PPP2R3A: variants seen among roughly 807,000 people sequenced by gnomAD.
The protein encoded by PPP2R3A is serine/threonine-protein phosphatase 2A regulatory subunit B'' subunit alpha.
Under a neutral mutation model 106.9 loss-of-function variants are expected in PPP2R3A, and 80 were observed. That is an observed-to-expected ratio of 0.75 (90% confidence interval 0.62 to 0.90). PPP2R3A has a LOEUF of 0.90. PPP2R3A is among the 40% of genes least tolerant of loss of function. The probability of loss-of-function intolerance (pLI) is 0.00; values close to 1 mark genes in which losing one functional copy is unlikely to be tolerated. For synonymous variants in PPP2R3A, 483 were observed against 468.3 expected (o/e 1.03, Z -0.41); for missense variants, 1,386 against 1,350.4 (o/e 1.03, Z -0.41).
In PPP2R3A at chr3:136,027,104, G is replaced by A. The variant is rs1252876511; in HGVS notation, c.2262+6G>A. ...AAATGGGGAAAATTGCAAAGGTAAT[G>A]TAACTACTAAATGATTTACAATCTC... On this transcript the variant is annotated splice_donor_region_variant and intron_variant, in intron 3 of 13. Coordinates refer to ENST00000264977, the MANE Select transcript of PPP2R3A (RefSeq NM_002718.5). 3 of 1,607,980 alleles carry A rather than the reference G, an allele frequency of 1.9e-6. No homozygotes were observed. Among genetic ancestry groups the A allele is most frequent in the South Asian group, 2.2e-5 (2 of 90,334 alleles).
rs969436730 is a variant in PPP2R3A at position 136,070,403 on chromosome 3, T to C, written c.2470-75T>C. The C allele has an allele frequency of 1.3e-5, 15 of 1,194,498 alleles. No homozygotes were observed. In the African/African-American group the frequency reaches 1.9e-4, roughly 15 times the overall value. The allele number at this position is 1,194,498 out of a possible 1,614,324, so 74.0% of individuals were successfully genotyped here. On this transcript the variant is annotated intron_variant, in intron 5 of 13. Transcript: ENST00000264977. ...TAGCAAGTTTGCTCAACTGGCAACA[T>C]ACAGGAAGGAAAAACTTCCATAGGC...
chr3:136,087,713 T>G (rs1936989379), intron 8 of PPP2R3A, 170 bp from the exon 9 acceptor site: 2 of 507,520 alleles, frequency 3.9e-6, no homozygotes, highest in Non-Finnish European at 7.0e-6. Flanking sequence ...GCCTGTTATT[T>G]TTTAAAATTA....
intron 10 of PPP2R3A, among the ~76,000 whole-genome samples, chr3:136,096,334 C>T (rs1193575161): frequency 6.6e-6 from 1 of 152,102 alleles, no homozygotes; most frequent in Non-Finnish European, 1.5e-5. Flanking sequence ...AAATGAATTT[C>T]CTAAAAAAAG....
At chr3:135,975,045 G>A (rs1937376178) in intron 1 of PPP2R3A, among the ~76,000 whole-genome samples, 1 of 152,154 alleles carries the variant, frequency 6.6e-6, no homozygotes, top group Non-Finnish European at 1.5e-5. Context: ...CTTCCATCAA[G>A]CACTGTGGCC....
chr3:136,061,498 C>T (rs1490891914), intron 5 of PPP2R3A, among the ~76,000 whole-genome samples: 1 of 152,042 alleles, frequency 6.6e-6, no homozygotes, highest in East Asian at 1.9e-4. Context: ...TGTGGTGGCA[C>T]GTACCTACAG....
intron 1 of PPP2R3A, among the ~76,000 whole-genome samples, chr3:135,979,333 T>C (rs1449825208): frequency 6.6e-6 from 1 of 151,212 alleles, no homozygotes; most frequent in Non-Finnish European, 1.5e-5. Context: ...GAGCCGAGAT[T>C]GCGCCACTGC....
intron 10 of PPP2R3A, among the ~76,000 whole-genome samples, chr3:136,100,202 A>G (rs1432689048): frequency 1.3e-5 from 2 of 152,172 alleles, no homozygotes; most frequent in Admixed American, 1.3e-4. Flanking sequence ...ACAATGGATC[A>G]ATACTTTTTA....
At chr3:136,019,265 A>T (rs1186972648) in intron 2 of PPP2R3A, among the ~76,000 whole-genome samples, 45 of 152,318 alleles carry the variant, frequency 3.0e-4, no homozygotes, top group Admixed American at 2.8e-3. Flanking sequence ...CCAGAAAGAC[A>T]TTTGGAAAAC....
At chr3:136,137,117 C>T (rs1437329315) in intron 13 of PPP2R3A, among the ~76,000 whole-genome samples, 4 of 152,158 alleles carry the variant, frequency 2.6e-5, no homozygotes, top group Admixed American at 2.6e-4. Flanking sequence ...TTATAATTAA[C>T]ATTCTTATGG....
chr3:136,081,306 C>T (rs953786337), intron 7 of PPP2R3A, among the ~76,000 whole-genome samples: 2 of 152,040 alleles, frequency 1.3e-5, no homozygotes, highest in African/African-American at 2.4e-5. Context: ...ATGTTTTTCA[C>T]CTTGCATTCC....
intron 10 of PPP2R3A, among the ~76,000 whole-genome samples, chr3:136,093,709 T>A (rs966116571): frequency 6.6e-6 from 1 of 152,142 alleles, no homozygotes; most frequent in African/African-American, 2.4e-5. Context: ...GAGATACCAC[T>A]TCACACTAGG....
At chr3:136,057,411 G>A (rs1935907439) in intron 5 of PPP2R3A, among the ~76,000 whole-genome samples, 1 of 152,058 alleles carries the variant, frequency 6.6e-6, no homozygotes, top group Non-Finnish European at 1.5e-5. Flanking sequence ...AGCACAGAAA[G>A]ATAAATATCA....
intron 5 of PPP2R3A, among the ~76,000 whole-genome samples, chr3:136,054,044 T>TG (rs1333502688): frequency 5.3e-5 from 8 of 152,170 alleles, no homozygotes; most frequent in Non-Finnish European, 8.8e-5. Flanking sequence ...AGAATTTTTT[T>TG]GGGGGGGAAA....
Position 136,106,322 on chromosome 3 carries a change from G to A in PPP2R3A, c.3329G>A (p.Gly1110Asp), listed in dbSNP as rs1287016462. ...EESAQAQFQE[G>D]FEDYETDEPA... Reference sequence around the variant, plus strand: ...TCTGCCCAAGCACAATTCCAGGAAGGGTGAGTAAGTTTCCCTATGTCTTAT... The same window carrying A: ...TCTGCCCAAGCACAATTCCAGGAAGAGTGAGTAAGTTTCCCTATGTCTTAT... The change falls in exon 13 of 14, where the codon GGC becomes GAC. Residue 1110 changes from glycine (G) to aspartate (D), a missense_variant and splice_region_variant. Gly to Asp is a moderately conservative substitution (Grantham distance 94, BLOSUM62 -1). Transcript: ENST00000264977. The A allele has an allele frequency of 2.5e-6, 4 of 1,612,906 alleles. No homozygotes were observed. Among genetic ancestry groups the A allele is most frequent in the Admixed American group, 1.7e-5 (1 of 59,968 alleles).
intron 3 of PPP2R3A, among the ~76,000 whole-genome samples, chr3:136,032,372 A>G (rs1249260647): frequency 1.3e-5 from 2 of 152,096 alleles, no homozygotes; most frequent in Non-Finnish European, 2.9e-5. Flanking sequence ...ATTCGTGTAC[A>G]TTAATTTTGT....
At chr3:136,118,034 A>C (rs1016466411) in intron 13 of PPP2R3A, among the ~76,000 whole-genome samples, 1 of 152,212 alleles carries the variant, frequency 6.6e-6, no homozygotes, top group African/African-American at 2.4e-5. Flanking sequence ...CACCATGATC[A>C]AGTGGGCCTC....
chr3:135,967,693 A>T (rs908899812), intron 1 of PPP2R3A, among the ~76,000 whole-genome samples: 26 of 152,068 alleles, frequency 1.7e-4, no homozygotes, highest in Non-Finnish European at 3.2e-4. Flanking sequence ...CTGAAGCTTC[A>T]CCTCTGCCCT....
intron 5 of PPP2R3A, among the ~76,000 whole-genome samples, chr3:136,059,523 T>G (rs1936004220): frequency 6.6e-6 from 1 of 152,104 alleles, no homozygotes; most frequent in Non-Finnish European, 1.5e-5. Context: ...TTATACATTG[T>G]TGGTGGGAGT....
Position 136,085,085 on chromosome 3 carries a change from T to TA in PPP2R3A, c.2788+2665dup, listed in dbSNP as rs561998841. 3.7e-4 allele frequency among the ~76,000 whole-genome samples: 57 copies of TA among 152,298 alleles called. No homozygotes were observed. The East Asian group carries it at 9.3e-3, about 25-fold the overall frequency. On this transcript the variant is annotated intron_variant, in intron 8 of 13. Coordinates refer to ENST00000264977, the MANE Select transcript of PPP2R3A (RefSeq NM_002718.5). ...GGTTTTGAAGTGTGGGGATCTGAGA[T>TA]ATGGGAGGAGCCATGGTTGGAACAA...
Sources: allele counts gnomAD v4.1 joint callset (sites outside exome capture counted in the v4.1 genomes callset), GRCh38; gene constraint gnomAD v4.1.1; transcripts MANE v1.5; gene names NCBI Gene and HGNC (gene_info 2026-07-23, HGNC 2026-07-21).